Variants in ADAM18 observed in about 807,000 individuals in gnomAD.
ADAM18 encodes the protein disintegrin and metalloproteinase domain-containing protein 18.
Under a neutral mutation model 94.4 loss-of-function variants are expected in ADAM18, and 117 were observed. That is an observed-to-expected ratio of 1.24 (90% CI 1.07 to 1.45). The LOEUF is 1.45. Ranked by LOEUF, ADAM18 falls within the 40% of genes most tolerant of loss-of-function variation. The probability of loss-of-function intolerance (pLI) is 0.00; values close to 1 mark genes in which losing one functional copy is unlikely to be tolerated. For synonymous variants in ADAM18, 327 were observed against 291.6 expected (o/e 1.12, Z -1.24); for missense variants, 936 against 880.0 (o/e 1.06, Z -0.81).
chr8:39,634,064 G>T (rs1024061036), intron 7 of ADAM18, among the ~76,000 whole-genome samples: 1 of 152,146 alleles, frequency 6.6e-6, no homozygotes, highest in African/African-American at 2.4e-5. Flanking sequence ...AAAGAGAGAA[G>T]CCAGAATGCT....
intron 14 of ADAM18, among the ~76,000 whole-genome samples, chr8:39,676,154 G>A (rs1186905163): frequency 6.6e-6 from 1 of 152,220 alleles, no homozygotes; most frequent in Non-Finnish European, 1.5e-5. Context: ...CAAATGTCAT[G>A]CTGGGAGAAC....
chr8:39,643,236 G>T (rs1158194165), intron 10 of ADAM18, among the ~76,000 whole-genome samples: 1 of 152,090 alleles, frequency 6.6e-6, no homozygotes, highest in African/African-American at 2.4e-5. Flanking sequence ...AACACAGATA[G>T]TTTGACTTCT....
intron 18 of ADAM18, among the ~76,000 whole-genome samples, chr8:39,716,133 T>C (rs1006478758): frequency 6.6e-6 from 1 of 151,422 alleles, no homozygotes; most frequent in Non-Finnish European, 1.5e-5. Flanking sequence ...TGTTTGCCAT[T>C]TTAAAAACAG....
At chr8:39,715,552 C>G (rs1036031855) in intron 18 of ADAM18, among the ~76,000 whole-genome samples, 16 of 150,826 alleles carry the variant, frequency 1.1e-4, no homozygotes, top group Non-Finnish European at 8.9e-5. Flanking sequence ...TGATAAACCT[C>G]TGGCCATACC....
chr8:39,614,290 G>A (rs571431816), intron 6 of ADAM18, among the ~76,000 whole-genome samples: 53 of 152,268 alleles, frequency 3.5e-4, no homozygotes, highest in African/African-American at 1.2e-3. Context: ...AAAACCCTGT[G>A]AGCCAGAAGA....
At chr8:39,687,376 G>T (rs1821635154) in intron 16 of ADAM18, among the ~76,000 whole-genome samples, 1 of 152,110 alleles carries the variant, frequency 6.6e-6, no homozygotes, top group Admixed American at 6.5e-5. Flanking sequence ...GTGAGAAATG[G>T]TAGTTAACTT....
At chr8:39,623,061 T>C (rs964980905) in intron 6 of ADAM18, among the ~76,000 whole-genome samples, 7 of 152,284 alleles carry the variant, frequency 4.6e-5, no homozygotes, top group Non-Finnish European at 1.0e-4. Flanking sequence ...CCAATTTCCA[T>C]GATACCACTC....
chr8:39,671,705 C>T lies in ADAM18; in HGVS notation c.1525+3509C>T, dbSNP rs557782768. On this transcript the variant is annotated intron_variant, in intron 14 of 19. Transcript: ENST00000265707. ...CTTAGATCTGATTCCTCCCCCGTCC[C>T]TCTTCATAACACGAAGTGTATTCTC... 1.2e-4 allele frequency among the ~76,000 whole-genome samples: 19 copies of T among 152,256 alleles called. No individual in the cohort carries two copies. In the South Asian group the frequency reaches 3.3e-3, roughly 27 times the overall value.
intron 3 of ADAM18, among the ~76,000 whole-genome samples, chr8:39,608,140 C>A (rs1819147188): frequency 6.6e-6 from 1 of 151,948 alleles, no homozygotes; most frequent in African/African-American, 2.4e-5. Context: ...TGTCGTTTTC[C>A]CCTATTTCCA....
At chr8:39,681,948 C>A (rs189591755) in intron 16 of ADAM18, among the ~76,000 whole-genome samples, 2 of 152,160 alleles carry the variant, frequency 1.3e-5, no homozygotes, top group African/African-American at 4.8e-5. Context: ...TAAAACATAA[C>A]CATTGATGAT....
rs756476273 is a variant in ADAM18, at chr8:39,611,097, G to T, written c.522+391G>T. On this transcript the variant is annotated intron_variant, in intron 6 of 19. Coordinates refer to ENST00000265707, the MANE Select transcript of ADAM18 (RefSeq NM_014237.3). ...CACAGCCATTTGCATGTTGCCAGAT[G>T]CTCTTAATTTGCTGGTAGACTAGGT... The T allele has an allele frequency of 8.3e-5, 83 of 996,826 alleles. No homozygotes were observed. In the East Asian group the frequency reaches 1.7e-3, roughly 20 times the overall value. 61.7% of individuals were successfully genotyped at this position (996,826 alleles called of 1,614,324 possible).
Position 39,668,007 on chromosome 8 carries a change from G to C in ADAM18, c.1336G>C (p.Ala446Pro). The change falls in exon 14 of 20, where the codon GCA (alanine) becomes CCA (proline). Residue 446 changes from alanine (A) to proline (P), a missense_variant. Coordinates refer to ENST00000265707, the MANE Select transcript of ADAM18 (RefSeq NM_014237.3). ...TTCCTTTTCCTCCCAGTTGTCAATA[G>C]CAGGCACTCCATGTAGAAAGAGTAT... ...CCTSKCELSI[A>P]GTPCRKSIDP... 1 of 1,613,800 alleles carries C rather than the reference G, an allele frequency of 6.2e-7. No homozygotes were observed. Among genetic ancestry groups the C allele is most frequent in the Non-Finnish European group, 8.5e-7 (1 of 1,179,840 alleles).
chr8:39,663,386 T>C (rs927966701), intron 12 of ADAM18, among the ~76,000 whole-genome samples: 57 of 141,000 alleles, frequency 4.0e-4, no homozygotes, highest in African/African-American at 1.3e-3. Context: ...CTAAGGAGTT[T>C]GAGACCAGCC....
At chr8:39,627,306 C>T (rs1461611099) in intron 6 of ADAM18, among the ~76,000 whole-genome samples, 1 of 151,996 alleles carries the variant, frequency 6.6e-6, no homozygotes, top group African/African-American at 2.4e-5. Flanking sequence ...GGCAAGAGAG[C>T]TTGGGCAAGG....
chr8:39,690,265 C>A (rs1158148381), intron 16 of ADAM18, among the ~76,000 whole-genome samples: 1 of 152,020 alleles, frequency 6.6e-6, no homozygotes, highest in Non-Finnish European at 1.5e-5. Flanking sequence ...AGAGGCACTC[C>A]AGCATGTGGC....
At chr8:39,657,596 G>A (rs1025453538) in intron 12 of ADAM18, among the ~76,000 whole-genome samples, 8 of 152,118 alleles carry the variant, frequency 5.3e-5, no homozygotes, top group Non-Finnish European at 1.0e-4. Flanking sequence ...GATTACAGAC[G>A]TGAGCCACAG....
chr8:39,661,019 A>G (rs995745164), intron 12 of ADAM18, among the ~76,000 whole-genome samples: 1 of 151,714 alleles, frequency 6.6e-6, no homozygotes, highest in Non-Finnish European at 1.5e-5. Context: ...AATTTAATTT[A>G]TGGTAGATAC....
intron 16 of ADAM18, among the ~76,000 whole-genome samples, chr8:39,684,571 G>C (rs1821557085): frequency 6.6e-6 from 1 of 152,124 alleles, no homozygotes; most frequent in South Asian, 2.1e-4. Flanking sequence ...TCTTAGGCTA[G>C]AGTTTCACAC....
At chr8:39,627,651 G>T (rs769019712) in intron 6 of ADAM18, among the ~76,000 whole-genome samples, 2 of 151,840 alleles carry the variant, frequency 1.3e-5, no homozygotes, top group Non-Finnish European at 2.9e-5. Flanking sequence ...TTTGGTTTGT[G>T]ATTTTTTTTT....
Sources: gnomAD v4.1 joint callset for allele counts (sites outside exome capture counted in the v4.1 genomes callset) on GRCh38, gnomAD v4.1.1 for gene constraint, MANE v1.5 for transcripts, NCBI Gene and HGNC (gene_info 2026-07-23, HGNC 2026-07-21) for gene names.